Variants in CSF1R observed in about 807,000 individuals in gnomAD.
CSF1R encodes the protein colony stimulating factor 1 receptor.
A neutral mutation model predicts 110.0 loss-of-function variants in CSF1R; 40 were observed. The ratio of observed to expected loss-of-function variants is 0.36; its 90% confidence interval spans 0.28 to 0.47. CSF1R has a LOEUF of 0.47. Ranked by LOEUF, CSF1R falls within the 20% of genes least tolerant of loss-of-function variation. The probability of loss-of-function intolerance (pLI) is 0.99; values close to 1 mark genes in which losing one functional copy is unlikely to be tolerated. For missense variants in CSF1R, 1,052 were observed against 1,253.0 expected (o/e 0.84, Z 2.42); for synonymous variants, 523 against 503.4 (o/e 1.04, Z -0.52).
chr5:150,112,458 G>A (rs959052870), intron 1 of CSF1R, among the ~76,000 whole-genome samples: 1 of 152,214 alleles, frequency 6.6e-6, no homozygotes, highest in Non-Finnish European at 1.5e-5. Flanking sequence ...TGGGGAAACT[G>A]AGGCCTGATG....
chr5:150,087,400 T>C (rs1581335064), upstream of CSF1R, among the ~76,000 whole-genome samples: 1 of 152,220 alleles, frequency 6.6e-6, no homozygotes, highest in African/African-American at 2.4e-5. Context: ...CAAAACTTTA[T>C]GTAGGTAAGT....
chr5:150,101,828 C>T (rs1202082575), intron 1 of CSF1R, among the ~76,000 whole-genome samples: 3 of 152,120 alleles, frequency 2.0e-5, no homozygotes, highest in Admixed American at 6.5e-5. Flanking sequence ...CTAGCATTTG[C>T]CTGGGCACAG....
chr5:150,074,695 T>C (rs1758184601), intron 5 of CSF1R, among the ~76,000 whole-genome samples: 1 of 152,174 alleles, frequency 6.6e-6, no homozygotes, highest in East Asian at 1.9e-4. Flanking sequence ...TGTCTAAAAA[T>C]CTGAAATTCA....
intron 9 of CSF1R, among the ~76,000 whole-genome samples, chr5:150,068,738 T>G (rs904063476): frequency 6.6e-6 from 1 of 152,140 alleles, no homozygotes. Flanking sequence ...GCAACCTTCC[T>G]CTCCTGCATT....
intron 1 of CSF1R, among the ~76,000 whole-genome samples, chr5:150,084,699 G>A (rs917453834): frequency 5.9e-5 from 9 of 151,796 alleles, no homozygotes; most frequent in African/African-American, 2.2e-4. Flanking sequence ...TGATCCACCC[G>A]CCTCGGCCTC....
rs2113787592 is a variant in CSF1R, at chr5:150,059,794, C to T, written c.2038G>A (p.Glu680Lys). ...DLLNFLRRKA[E>K]AMLGPSLSPG... ...CTCAGGCTGGGTCCCAGCATGGCCT[C>T]AGCCTTCCTTCGCAGAAAGTTGAGC... Residue 680 changes from glutamate to lysine, a missense_variant, in exon 14 of 21, where the codon GAG becomes AAG. This residue lies in a region of CSF1R where 124 missense variants were observed against 117.7 expected (regional missense o/e 1.05). Transcript: ENST00000675795. 6.2e-7 allele frequency: 1 copy of T among 1,614,212 alleles called. No homozygotes were observed. Among genetic ancestry groups the T allele is most frequent in the Non-Finnish European group, 8.5e-7 (1 of 1,180,036 alleles).
chr5:150,061,459 C>T, intron 12 of CSF1R, 32 bp downstream of exon 12: 2 of 966,816 alleles, frequency 2.1e-6, no homozygotes, highest in African/African-American at 1.6e-5. Context: ...TACCACCCCC[C>T]ATCCCTTCCC....
intron 1 of CSF1R, among the ~76,000 whole-genome samples, chr5:150,097,687 T>C (rs1055440583): frequency 5.9e-5 from 9 of 152,224 alleles, no homozygotes; most frequent in African/African-American, 2.2e-4. Context: ...CACTTAGGTA[T>C]AAATCTTACT....
chr5:150,082,549 C>T (rs1196202905), intron 1 of CSF1R, among the ~76,000 whole-genome samples: 1 of 152,256 alleles, frequency 6.6e-6, no homozygotes, highest in Admixed American at 6.5e-5. Flanking sequence ...TTCTAGCAGC[C>T]TTTTTAGCAA....
chr5:150,059,393 T>C (rs1246140076), intron 14 of CSF1R, among the ~76,000 whole-genome samples: 1 of 152,204 alleles, frequency 6.6e-6, no homozygotes, highest in African/African-American at 2.4e-5. Context: ...TTGGTTGATC[T>C]TTTACACACA....
intron 1 of CSF1R, among the ~76,000 whole-genome samples, chr5:150,111,284 G>A (rs1157200318): frequency 1.3e-5 from 2 of 152,090 alleles, no homozygotes; most frequent in Admixed American, 1.3e-4. Context: ...CCGTGAGTGG[G>A]GTGGCGGAAG....
chr5:150,094,368 A>G, intron 1 of CSF1R: 1 of 1,599,984 alleles, frequency 6.3e-7, no homozygotes, highest in African/African-American at 1.3e-5. Context: ...GAAAAAGCGA[A>G]GGAATTTCGC....
chr5:150,091,147 G>A (rs182247244), upstream of CSF1R, among the ~76,000 whole-genome samples: 2 of 152,326 alleles, frequency 1.3e-5, no homozygotes, highest in East Asian at 3.9e-4. Context: ...AAGTGTTGGT[G>A]AGGATGTGGA....
rs750046493 is a variant in CSF1R at position 150,080,290 on chromosome 5, G to A, written c.354C>T (p.Phe118=). 3.1e-6 allele frequency: 5 copies of A among 1,613,768 alleles called. No homozygotes were observed. The highest frequency in any genetic ancestry group is 4.5e-5 in the East Asian group (2 of 44,902). ...WNVLAQEVVV[F]EDQDALLPCL... ...AGGGCAGTAGTGCGTCCTGGTCCTCGAACACGACCACCTCCTGTGCTAGCA... is the reference window on the plus strand; with the variant it reads ...AGGGCAGTAGTGCGTCCTGGTCCTCAAACACGACCACCTCCTGTGCTAGCA... The change falls in exon 3 of 21, where the codon TTC becomes TTT. Residue 118 remains phenylalanine, a synonymous_variant. Coordinates refer to ENST00000675795, the MANE Select transcript of CSF1R (RefSeq NM_001288705.3).
At chr5:150,094,083 C>G (rs1227818273) in intron 1 of CSF1R, among the ~76,000 whole-genome samples, 1 of 146,570 alleles carries the variant, frequency 6.8e-6, no homozygotes, top group Admixed American at 6.8e-5. Flanking sequence ...AAAAAAAGTA[C>G]AATTATTATG....
At chr5:150,080,399 G>A (rs2113831981) in intron 2 of CSF1R, 63 bp from the exon 3 acceptor site, 1 of 1,558,940 alleles carries the variant, frequency 6.4e-7, no homozygotes, top group Non-Finnish European at 8.7e-7. Context: ...GGAGTACCTG[G>A]ACATAGGTGA....
chr5:150,059,913 A>G (rs1030251624), intron 13 of CSF1R, 51 bp from the exon 14 acceptor site: 2 of 1,569,880 alleles, frequency 1.3e-6, no homozygotes, highest in East Asian at 2.3e-5. Context: ...GCTCCCCTCC[A>G]TGAACAGGAG....
At position 150,080,116 on chromosome 5, in the gene CSF1R, T is replaced by C. The variant is rs746440982; in HGVS notation, c.528A>G (p.Gln176=). The change falls in exon 3 of 21, where the codon CAA becomes CAG. Residue 176 remains glutamine (Q), a synonymous_variant. Transcript: ENST00000675795. ...RAKFIQSQDY[Q]CSALMGGRKV... ...TCCTGCCACCCATCAGGGCACTGCA[T>C]TGATAGTCCTGGCTCTGAATGAACT... The C allele has an allele frequency of 4.6e-5, 74 of 1,614,050 alleles. 2 individuals carry two copies. In the South Asian group the frequency reaches 8.0e-4, roughly 17 times the overall value.
At chr5:150,103,183 G>A (rs1236945033) in intron 1 of CSF1R, among the ~76,000 whole-genome samples, 3 of 152,238 alleles carry the variant, frequency 2.0e-5, no homozygotes, top group African/African-American at 7.2e-5. Context: ...GGCCTAGGTA[G>A]CTGGGCGCCA....
Sources: allele counts gnomAD v4.1 joint callset (sites outside exome capture counted in the v4.1 genomes callset), GRCh38; gene constraint gnomAD v4.1.1; regional missense constraint gnomAD v4.1.1; transcripts MANE v1.5; gene names NCBI Gene and HGNC (gene_info 2026-07-23, HGNC 2026-07-21).